The following CALCRL variants were observed in gnomAD, a reference collection of about 807,000 sequenced individuals.
The protein encoded by CALCRL is calcitonin gene-related peptide type 1 receptor.
Under a neutral mutation model 60.4 loss-of-function variants are expected in CALCRL, and 27 were observed. The ratio of observed to expected loss-of-function variants is 0.45; its 90% confidence interval spans 0.33 to 0.62. CALCRL has a LOEUF of 0.62. Among genes scored for constraint, CALCRL ranks in the 20% least tolerant of loss-of-function variants. The probability of loss-of-function intolerance (pLI) is 0.03; values close to 1 mark genes in which losing one functional copy is unlikely to be tolerated. For missense variants in CALCRL, 424 were observed against 540.7 expected (o/e 0.78, Z 2.14); for synonymous variants, 190 against 182.6 (o/e 1.04, Z -0.33).
At position 187,442,165 on chromosome 2, in the gene CALCRL, T is replaced by G. The variant is rs547412866; in HGVS notation, c.-293+5874A>C. ...ACACACATACATACACACACATATATACGCACACATATATGTGTGTATATA... is the reference window on the plus strand; with the variant it reads ...ACACACATACATACACACACATATAGACGCACACATATATGTGTGTATATA... On this transcript the variant is annotated intron_variant, in intron 1 of 14. Transcript: ENST00000392370. 8.8e-5 allele frequency: 13 copies of G among 147,960 alleles called. No homozygotes were observed. The South Asian group carries it at 2.8e-3, about 31-fold the overall frequency. 9.2% of individuals were successfully genotyped at this position (147,960 alleles called of 1,614,324 possible).
At position 187,446,943 on chromosome 2, in the gene CALCRL, A is replaced by G. The variant is rs574183828; in HGVS notation, c.-293+1096T>C. Among the ~76,000 whole-genome samples, 26 of 152,078 alleles carry G rather than the reference A, an allele frequency of 1.7e-4. 1 individual carries two copies. The South Asian group carries it at 2.5e-3, about 15-fold the overall frequency. On this transcript the variant is annotated intron_variant, in intron 1 of 14. Coordinates refer to ENST00000392370, the MANE Select transcript of CALCRL (RefSeq NM_005795.6). ...CAATGCAGGACATCTTGGAAAGTAT[A>G]ATTGCATTTAGGTAAGAAAATATAT...
chr2:187,367,416 CAT>C (rs1367142825), intron 8 of CALCRL, among the ~76,000 whole-genome samples: 57 of 152,230 alleles, frequency 3.7e-4, no homozygotes, highest in African/African-American at 1.2e-3. Flanking sequence ...TGCTAAGTAA[CAT>C]ATGGTTTCTA....
intron 12 of CALCRL, among the ~76,000 whole-genome samples, chr2:187,357,318 G>C (rs1013935952): frequency 6.6e-6 from 1 of 152,000 alleles, no homozygotes; most frequent in Non-Finnish European, 1.5e-5. Context: ...GGAATACTAT[G>C]CAGCCATAAA....
intron 1 of CALCRL, among the ~76,000 whole-genome samples, chr2:187,399,372 C>T (rs952761456): frequency 6.6e-6 from 1 of 151,320 alleles, no homozygotes; most frequent in Non-Finnish European, 1.5e-5. Flanking sequence ...GATATTCATA[C>T]CCAGCTCAAA....
rs80341982 is a variant in CALCRL, at chr2:187,391,036, A to G, written c.-292-3280T>C. ...TCACCAAGAGGTCTCAAATTCCATA[A>G]TAGATGAATCATGGCAAGGCATGTG... On this transcript the variant is annotated intron_variant, in intron 1 of 14. Coordinates refer to ENST00000392370, the MANE Select transcript of CALCRL (RefSeq NM_005795.6). Among the ~76,000 whole-genome samples, 1,066 of 152,282 alleles carry G rather than the reference A, an allele frequency of 7.0e-3. 13 individuals carry two copies. Among genetic ancestry groups the G allele is most frequent in the African/African-American group, 0.025 (1,020 of 41,570 alleles).
intron 1 of CALCRL, among the ~76,000 whole-genome samples, chr2:187,406,172 C>G (rs1689116492): frequency 7.5e-6 from 1 of 133,164 alleles, no homozygotes; most frequent in Non-Finnish European, 1.6e-5. Flanking sequence ...CAAAACAAAC[C>G]AAACCAAACA....
chr2:187,359,282 CAAA>C lies in CALCRL; in HGVS notation c.782-13_782-11del. On this transcript the variant is annotated splice_polypyrimidine_tract_variant and intron_variant, in intron 10 of 14. Coordinates refer to ENST00000392370, the MANE Select transcript of CALCRL (RefSeq NM_005795.6). ...GGAATCAGTGGAAATCCTGTAATAA[CAAA>C]AAAAAAAGAAAATAAATAGGCATTT... 8 of 1,240,084 alleles carry C rather than the reference CAAA, an allele frequency of 6.5e-6. No individual in the cohort carries two copies. The highest frequency in any genetic ancestry group is 8.5e-6 in the Non-Finnish European group (8 of 941,938). The allele number at this position is 1,240,084 out of a possible 1,614,324, so 76.8% of individuals were successfully genotyped here.
chr2:187,409,438 G>GT (rs1440837756), intron 1 of CALCRL, among the ~76,000 whole-genome samples: 2 of 152,234 alleles, frequency 1.3e-5, no homozygotes, highest in Non-Finnish European at 2.9e-5. Flanking sequence ...TTATAGAAAT[G>GT]TAAGTTTAGT....
intron 12 of CALCRL, among the ~76,000 whole-genome samples, chr2:187,358,218 T>C (rs1686886272): frequency 6.6e-6 from 1 of 151,800 alleles, no homozygotes; most frequent in African/African-American, 2.4e-5. Context: ...TATCCAAGCA[T>C]AGTAGTGTAT....
At chr2:187,396,525 A>C (rs1380732758) in intron 1 of CALCRL, among the ~76,000 whole-genome samples, 1 of 151,898 alleles carries the variant, frequency 6.6e-6, no homozygotes, top group Non-Finnish European at 1.5e-5. Context: ...CACTAAGCCA[A>C]GACTTTTAAA....
In CALCRL at chr2:187,420,315, CAT is replaced by C. The variant is rs199995995; in HGVS notation, c.-293+27722_-293+27723del. 7.8e-3 allele frequency among the ~76,000 whole-genome samples: 1,191 copies of C among 152,080 alleles called. 10 individuals are homozygous for C. Among genetic ancestry groups the C allele is most frequent in the African/African-American group, 9.8e-3 (408 of 41,496 alleles). ...TCAAAGGTCTTTTATAAGATTATGA[CAT>C]AATAATATCTTAGAAAAATCTCTTA... On this transcript the variant is annotated intron_variant, in intron 1 of 14. Coordinates refer to ENST00000392370, the MANE Select transcript of CALCRL (RefSeq NM_005795.6).
intron 1 of CALCRL, among the ~76,000 whole-genome samples, chr2:187,395,429 C>T (rs1460704549): frequency 6.6e-6 from 1 of 152,050 alleles, no homozygotes; most frequent in African/African-American, 2.4e-5. Context: ...TTTTACAAAG[C>T]TTACATTAAT....
intron 1 of CALCRL, among the ~76,000 whole-genome samples, chr2:187,436,013 A>G (rs1690630314): frequency 6.6e-6 from 1 of 152,066 alleles, no homozygotes. Context: ...CCACCAACTC[A>G]CAGAACTAAT....
chr2:187,404,207 C>A (rs988120578), intron 1 of CALCRL, among the ~76,000 whole-genome samples: 44 of 151,816 alleles, frequency 2.9e-4, no homozygotes, highest in Admixed American at 1.9e-3. Context: ...ACCTTAACAA[C>A]AACAGCGAAA....
At chr2:187,424,835 T>A (rs1419544551) in intron 1 of CALCRL, among the ~76,000 whole-genome samples, 1 of 151,894 alleles carries the variant, frequency 6.6e-6, no homozygotes, top group Admixed American at 6.6e-5. Flanking sequence ...AACTGATATA[T>A]CCCATAAAAT....
chr2:187,365,721 T>TA (rs1433726997), intron 8 of CALCRL, among the ~76,000 whole-genome samples: 1 of 152,054 alleles, frequency 6.6e-6, no homozygotes, highest in African/African-American at 2.4e-5. Context: ...ATTCTGCCAT[T>TA]AAAAAAATGA....
intron 1 of CALCRL, among the ~76,000 whole-genome samples, chr2:187,410,952 T>G (rs986199812): frequency 1.3e-5 from 2 of 152,078 alleles, no homozygotes; most frequent in East Asian, 3.9e-4. Context: ...TTTTATCTAG[T>G]GCATTATCCT....
intron 1 of CALCRL, among the ~76,000 whole-genome samples, chr2:187,402,077 A>C (rs1429609551): frequency 1.3e-5 from 2 of 151,726 alleles, no homozygotes; most frequent in Non-Finnish European, 3.0e-5. Flanking sequence ...TGTTATTTTT[A>C]TTAAAAGTAA....
chr2:187,367,902 A>G (rs184119849), intron 8 of CALCRL, among the ~76,000 whole-genome samples: 6 of 152,204 alleles, frequency 3.9e-5, no homozygotes, highest in Non-Finnish European at 8.8e-5. Context: ...TGGCCAGCAG[A>G]GTTACAGAGG....
Sources: allele counts gnomAD v4.1 joint callset (sites outside exome capture counted in the v4.1 genomes callset), GRCh38; gene constraint gnomAD v4.1.1; transcripts MANE v1.5; gene names NCBI Gene and HGNC (gene_info 2026-07-23, HGNC 2026-07-21).